The following IQANK1 variants were observed in gnomAD, a reference collection of about 807,000 sequenced individuals.
IQANK1 encodes IQ motif and ankyrin repeat containing 1.
A neutral mutation model predicts 22.6 loss-of-function variants in IQANK1; 30 were observed. The ratio of observed to expected loss-of-function variants is 1.33; its 90% CI spans 0.99 to 1.80. The LOEUF (loss-of-function observed/expected upper bound fraction) is 1.80. Among genes scored for constraint, IQANK1 ranks in the 40% most tolerant of loss-of-function variants. IQANK1 has a pLI of 0.00. For synonymous variants in IQANK1, 122 were observed against 99.6 expected (o/e 1.23, Z -1.34); for missense variants, 275 against 235.2 (o/e 1.17, Z -1.11).
rs1414795275 is a variant in IQANK1 at position 143,789,961 on chromosome 8, A to ACCC, written c.1196-8_1196-6dup. 14 of 1,231,956 alleles carry ACCC rather than the reference A, an allele frequency of 1.1e-5. No homozygotes were observed. Among genetic ancestry groups the ACCC allele is most frequent in the Non-Finnish European group, 1.3e-5 (13 of 988,000 alleles). 76.3% of individuals were successfully genotyped at this position (1,231,956 alleles called of 1,614,324 possible). A position where few individuals can be genotyped will look rare whatever the true frequency, so the allele number is the denominator to read the frequency against. On this transcript the variant is annotated splice_polypyrimidine_tract_variant and intron_variant, in intron 11 of 13. Transcript: ENST00000527139. ...GCTTGCCTGTCAGCTGCACTCTGCT[A>ACCC]CCCCGACAGGGGAGGAAGAGGCGCC...
intron 3 of IQANK1, among the ~76,000 whole-genome samples, chr8:143,751,245 T>C (rs1819182610): frequency 6.6e-6 from 1 of 152,086 alleles, no homozygotes; most frequent in African/African-American, 2.4e-5. Flanking sequence ...TCTCTTAAAT[T>C]ATCTAGGAAA....
chr8:143,773,327 A>G (rs868928977), intron 7 of IQANK1, among the ~76,000 whole-genome samples: 1 of 105,148 alleles, frequency 9.5e-6, no homozygotes, highest in African/African-American at 1.3e-4. Context: ...CAAAAAAAAC[A>G]CAAAAAAAAC....
chr8:143,754,441 CT>C (rs1554628341), intron 3 of IQANK1, among the ~76,000 whole-genome samples: 2 of 152,148 alleles, frequency 1.3e-5, no homozygotes, highest in African/African-American at 4.8e-5. Context: ...AAGGATGCGC[CT>C]GCAAGCTCCC....
chr8:143,784,332 T>C (rs1819848555), intron 7 of IQANK1, among the ~76,000 whole-genome samples: 1 of 152,096 alleles, frequency 6.6e-6, no homozygotes, highest in Non-Finnish European at 1.5e-5. Flanking sequence ...ATGTAGCACC[T>C]CCCCCTGCTC....
At chr8:143,782,501 AG>A (rs1819814379) in intron 7 of IQANK1, among the ~76,000 whole-genome samples, 1 of 151,630 alleles carries the variant, frequency 6.6e-6, no homozygotes, top group Non-Finnish European at 1.5e-5. Context: ...TTTTTGAGAC[AG>A]AGTTTCGCTC....
In IQANK1 at chr8:143,790,263, G is replaced by T; in HGVS notation, c.1416G>T (p.Gly472=). 1 of 1,232,180 alleles carries T rather than the reference G, an allele frequency of 8.1e-7. No individual in the cohort carries two copies. Among genetic ancestry groups the T allele is most frequent in the Non-Finnish European group, 1.0e-6 (1 of 988,070 alleles). 76.3% of individuals were successfully genotyped at this position (1,232,180 alleles called of 1,614,324 possible). A position where few individuals can be genotyped will look rare whatever the true frequency, so the allele number is the denominator to read the frequency against. ...AGACGATGTGGCTGGCTCTGCTGGG[G>T]GCTCTGCGGTGAGGCAGGCAGGGTG... ...RPETMWLALL[G]ALRYGKPLVF... The change falls in exon 13 of 14, where the codon GGG becomes GGT. Residue 472 remains glycine (G), a synonymous_variant. Coordinates refer to ENST00000527139, the MANE Select transcript of IQANK1 (RefSeq NM_001381874.1).
At chr8:143,767,958 A>T (rs1819507932) in intron 3 of IQANK1, among the ~76,000 whole-genome samples, 1 of 119,358 alleles carries the variant, frequency 8.4e-6, no homozygotes, top group African/African-American at 3.3e-5. Flanking sequence ...ATCTTGGCTC[A>T]CTGCAAGCTC....
Position 143,758,897 on chromosome 8 carries a change from C to A in IQANK1, c.176-12591C>A. The A allele has an allele frequency of 6.3e-6, 1 of 157,872 alleles. No homozygotes were observed. The highest frequency in any genetic ancestry group is 1.7e-4 in the South Asian group (1 of 5,812). 9.8% of individuals were successfully genotyped at this position (157,872 alleles called of 1,614,324 possible). A position where few individuals can be genotyped will look rare whatever the true frequency, so the allele number is the denominator to read the frequency against. Reference sequence around the variant, plus strand: ...CCCTGCGCTGCCTTTGTCTTCTTCCCATGGCCTGGCCTGAGTGCTGCAGCT... The same window carrying A: ...CCCTGCGCTGCCTTTGTCTTCTTCCAATGGCCTGGCCTGAGTGCTGCAGCT... On this transcript the variant is annotated intron_variant, in intron 3 of 13. Transcript: ENST00000527139. The surrounding 1 kb of genome is among the most constrained non-coding windows in gnomAD (Gnocchi z 4.2).
chr8:143,787,897 C>G (rs1220568872), intron 7 of IQANK1, among the ~76,000 whole-genome samples: 9 of 152,056 alleles, frequency 5.9e-5, no homozygotes, highest in African/African-American at 2.2e-4. Flanking sequence ...CTGGCCCCGT[C>G]GCCAGGCCTG....
chr8:143,769,985 C>T (rs1314797143), intron 3 of IQANK1, among the ~76,000 whole-genome samples: 1 of 152,150 alleles, frequency 6.6e-6, no homozygotes, highest in African/African-American at 2.4e-5. Context: ...TGCCTGTGGT[C>T]CCAGCTACTC....
At chr8:143,785,724 TA>T (rs1819873275) in intron 7 of IQANK1, among the ~76,000 whole-genome samples, 1 of 82,444 alleles carries the variant, frequency 1.2e-5, no homozygotes, top group African/African-American at 3.5e-5. Context: ...CATGCCCAGC[TA>T]TTTTTTTTTT....
At chr8:143,750,404 C>T (rs1407792476) in intron 3 of IQANK1, among the ~76,000 whole-genome samples, 1 of 152,156 alleles carries the variant, frequency 6.6e-6, no homozygotes, top group Non-Finnish European at 1.5e-5. Context: ...TCTATGTTTT[C>T]ATTTTCAATG....
intron 3 of IQANK1, among the ~76,000 whole-genome samples, chr8:143,750,964 GTGT>G (rs1819176936): frequency 6.6e-6 from 1 of 150,688 alleles, no homozygotes; most frequent in African/African-American, 2.5e-5. Flanking sequence ...GTGTGTGTGT[GTGT>G]TTTTTTGTAG....
intron 3 of IQANK1, among the ~76,000 whole-genome samples, chr8:143,754,366 C>T (rs1819249868): frequency 6.6e-6 from 1 of 152,220 alleles, no homozygotes; most frequent in African/African-American, 2.4e-5. Flanking sequence ...CTGAGCACCT[C>T]TCCCAGGGCT....
chr8:143,772,511 G>A (rs922671565), intron 7 of IQANK1, 29 bp downstream of exon 7: 1 of 398,580 alleles, frequency 2.5e-6, no homozygotes, highest in Non-Finnish European at 4.4e-6. Flanking sequence ...TGGGCCCCGG[G>A]AGGTGTGAGC....
rs781853852 is a variant in IQANK1, at chr8:143,742,859, C to T, written c.175+2911C>T. 80 of 456,144 alleles carry T rather than the reference C, an allele frequency of 1.8e-4. 1 individual carries two copies. The Middle Eastern group carries it at 6.2e-3, about 35-fold the overall frequency. 28.3% of individuals were successfully genotyped at this position (456,144 alleles called of 1,614,324 possible). On this transcript the variant is annotated intron_variant, in intron 3 of 13. Coordinates refer to ENST00000527139, the MANE Select transcript of IQANK1 (RefSeq NM_001381874.1). ...CCAAACATGGCCTGTGCTGCTGTCA[C>T]GGTGCTAAGGGGCCTGGCAAGCACG...
At chr8:143,742,822 C>G (rs1554626769) in intron 3 of IQANK1, 1 of 456,126 alleles carries the variant, frequency 2.2e-6, no homozygotes, top group Non-Finnish European at 4.4e-6. Context: ...CTGGGCCACA[C>G]TGGGGATGGT....
chr8:143,790,626 A>G lies in IQANK1; in HGVS notation c.*18A>G. 1 of 398,686 alleles carries G rather than the reference A, an allele frequency of 2.5e-6. No individual in the cohort carries two copies. Among genetic ancestry groups the G allele is most frequent in the Middle Eastern group, 6.3e-4 (1 of 1,590 alleles). 24.7% of individuals were successfully genotyped at this position (398,686 alleles called of 1,614,324 possible). A position where few individuals can be genotyped will look rare whatever the true frequency, so the allele number is the denominator to read the frequency against. Reference sequence around the variant, plus strand: ...GCCTCTAGTGCTGGCCCCAGTCCCAATAAAACGTGTGCCCCGGGGCGCGGT... The same window carrying G: ...GCCTCTAGTGCTGGCCCCAGTCCCAGTAAAACGTGTGCCCCGGGGCGCGGT... On this transcript the variant is annotated 3_prime_UTR_variant, in exon 14 of 14. Transcript: ENST00000527139.
chr8:143,755,018 G>A (rs782394181), intron 3 of IQANK1, among the ~76,000 whole-genome samples: 1 of 152,224 alleles, frequency 6.6e-6, no homozygotes, highest in South Asian at 2.1e-4. Flanking sequence ...CAAGTCACAG[G>A]TCCCACCCAC....
Sources: allele counts gnomAD v4.1 joint callset (sites outside exome capture counted in the v4.1 genomes callset), GRCh38; gene constraint gnomAD v4.1.1; non-coding constraint Gnocchi (gnomAD v3.1); transcripts MANE v1.5; gene names NCBI Gene and HGNC (gene_info 2026-07-23, HGNC 2026-07-21).